FAM120C: variants seen among roughly 807,000 people sequenced by gnomAD.
FAM120C encodes family with sequence similarity 120 member C.
In FAM120C, 14 loss-of-function variants were observed where a neutral mutation model predicts 71.2. The observed-to-expected ratio is 0.20, with a 90% CI of 0.13 to 0.31. The LOEUF (loss-of-function observed/expected upper bound fraction) is 0.31. FAM120C is among the 10% of genes least tolerant of loss of function. The pLI, the probability that FAM120C is intolerant of heterozygous loss-of-function variation, is 1.00. For synonymous variants in FAM120C, 354 were observed against 353.2 expected, an observed-to-expected ratio of 1.00 and a Z score of -0.03; for missense variants, 500 against 879.0, an observed-to-expected ratio of 0.57 and a Z score of 5.45.
chrX:54,096,295 C>A (rs1450806147), intron 10 of FAM120C, among the ~76,000 whole-genome samples: 2 of 110,819 alleles, frequency 1.8e-5, no homozygotes, highest in Admixed American at 1.9e-4. Flanking sequence ...CCTGTAGTCC[C>A]AGCTAGTCAA....
chrX:54,105,858 A>G (rs1449797119), intron 10 of FAM120C, among the ~76,000 whole-genome samples: 3 of 111,591 alleles, frequency 2.7e-5, no homozygotes, highest in East Asian at 2.8e-4. Context: ...CAAGGGATGT[A>G]AAGGACCTCT....
Position 54,068,819 on chromosome X carries a change from T to C in FAM120C, c.*4214A>G, listed in dbSNP as rs1335305209. On this transcript the variant is annotated 3_prime_UTR_variant, in exon 16 of 16. Transcript: ENST00000375180. ...TAGAATAGAATAGAATAGAATAGAA[T>C]AGAATAGAATAGAATAGAATAGAAT... The C allele has an allele frequency of 5.9e-4, 64 of 108,685 alleles. No homozygotes were observed. Among genetic ancestry groups the C allele is most frequent in the South Asian group, 1.2e-3 (3 of 2,529 alleles). 9.0% of individuals were successfully genotyped at this position (108,685 alleles called of 1,213,427 possible).
chrX:54,083,433 CCACACACACACACA>C (rs781964795), intron 13 of FAM120C, among the ~76,000 whole-genome samples: 87 of 78,934 alleles, frequency 1.1e-3, no homozygotes, highest in African/African-American at 3.6e-3. Context: ...GACCCCATCT[CCACACACACACACA>C]CACACACACA....
chrX:54,068,937 T>C lies in FAM120C; in HGVS notation c.*4096A>G, dbSNP rs1336816834. 9.0e-6 allele frequency: 1 copy of C among 111,710 alleles called. No homozygotes were observed. Among genetic ancestry groups the C allele is most frequent in the Non-Finnish European group, 1.9e-5 (1 of 53,166 alleles). The allele number at this position is 111,710 out of a possible 1,213,427, so 9.2% of individuals were successfully genotyped here. A position where few individuals can be genotyped will look rare whatever the true frequency, so the allele number is the denominator to read the frequency against. On this transcript the variant is annotated 3_prime_UTR_variant, in exon 16 of 16. Transcript: ENST00000375180. ...TGAGAGATTAATAAAATCTGAAATA[T>C]TTATTTTGCTTCATTTACATGAAAA...
intron 1 of FAM120C, among the ~76,000 whole-genome samples, chrX:54,182,085 C>A (rs149595825): frequency 0.079 from 8,865 of 111,716 alleles, 387 homozygotes; most frequent in Non-Finnish European, 0.13. Context: ...TGATTTACTG[C>A]GAGGTTGGAA....
intron 13 of FAM120C, among the ~76,000 whole-genome samples, chrX:54,084,784 G>A (rs1557121740): frequency 9.0e-6 from 1 of 111,136 alleles, no homozygotes; most frequent in East Asian, 2.8e-4. Flanking sequence ...CAGTATCTGA[G>A]CAACCTAGGC....
intron 9 of FAM120C, among the ~76,000 whole-genome samples, chrX:54,118,640 AT>A (rs1313561753): frequency 1.0e-5 from 1 of 95,431 alleles, no homozygotes; most frequent in Non-Finnish European, 2.1e-5. Context: ...CACCATTGCC[AT>A]TTTGGTAAGT....
At chrX:54,075,659 C>T (rs782550238) in intron 15 of FAM120C, among the ~76,000 whole-genome samples, 2 of 108,572 alleles carry the variant, frequency 1.8e-5, no homozygotes, top group African/African-American at 6.7e-5. Context: ...AGTAGCCAGG[C>T]GTGGTAGCGG....
chrX:54,093,827 T>TA (rs2066835596), intron 10 of FAM120C, among the ~76,000 whole-genome samples: 1 of 111,942 alleles, frequency 8.9e-6, no homozygotes, highest in Non-Finnish European at 1.9e-5. Flanking sequence ...ATAACAGCAT[T>TA]ACTTATTCCC....
intron 3 of FAM120C, 37 bp downstream of exon 3, chrX:54,157,652 C>T (rs782203459): frequency 2.0e-6 from 2 of 975,924 alleles, no homozygotes; most frequent in East Asian, 6.2e-5. Context: ...AACCTCATAT[C>T]CCCTAATCTG....
chrX:54,078,887 G>A (rs781965635), intron 15 of FAM120C, among the ~76,000 whole-genome samples: 7 of 109,837 alleles, frequency 6.4e-5, no homozygotes, highest in African/African-American at 2.0e-4. Context: ...TTTAAAGGCC[G>A]GGCGCAGTGG....
intron 12 of FAM120C, among the ~76,000 whole-genome samples, chrX:54,087,508 C>T (rs1353438241): frequency 1.8e-5 from 2 of 110,643 alleles, no homozygotes; most frequent in African/African-American, 6.6e-5. Flanking sequence ...AAGAAATACT[C>T]AGAGTAAGAA....
intron 9 of FAM120C, among the ~76,000 whole-genome samples, chrX:54,129,139 G>A (rs782222976): frequency 1.9e-5 from 2 of 106,275 alleles, no homozygotes; most frequent in Admixed American, 9.8e-5. Flanking sequence ...GCGGCCGGCC[G>A]GGGCGGCTGG....
intron 3 of FAM120C, among the ~76,000 whole-genome samples, chrX:54,153,031 A>C (rs932745681): frequency 6.2e-5 from 7 of 112,034 alleles, no homozygotes; most frequent in African/African-American, 2.3e-4. Flanking sequence ...CCCCGTCTCT[A>C]CTAAAAATAC....
intron 1 of FAM120C, among the ~76,000 whole-genome samples, chrX:54,162,589 G>C (rs1557134565): frequency 8.9e-6 from 1 of 112,019 alleles, no homozygotes; most frequent in Non-Finnish European, 1.9e-5. Context: ...GTAAAGAAAG[G>C]CCTAGTGAGA....
intron 10 of FAM120C, among the ~76,000 whole-genome samples, chrX:54,109,564 A>C (rs1557125333): frequency 9.2e-6 from 1 of 108,533 alleles, no homozygotes. Context: ...GCAGTGAGCC[A>C]TGATCACACC....
At chrX:54,107,704 A>G (rs1394722838) in intron 10 of FAM120C, among the ~76,000 whole-genome samples, 3 of 101,694 alleles carry the variant, frequency 3.0e-5, no homozygotes, top group African/African-American at 7.3e-5. Flanking sequence ...TATTTTTAGT[A>G]GAGACAGGGT....
At chrX:54,107,463 G>A (rs782818347) in intron 10 of FAM120C, among the ~76,000 whole-genome samples, 7 of 109,850 alleles carry the variant, frequency 6.4e-5, no homozygotes, top group Admixed American at 2.0e-4. Context: ...ACAATGTAGG[G>A]CTGTGGCCCA....
chrX:54,170,055 C>G (rs1168368354), intron 1 of FAM120C, among the ~76,000 whole-genome samples: 1 of 112,018 alleles, frequency 8.9e-6, no homozygotes, highest in East Asian at 2.8e-4. Context: ...GGCAGTCAAG[C>G]TAGAGGTAGT....
Sources: gnomAD v4.1 joint callset for allele counts (sites outside exome capture counted in the v4.1 genomes callset) on GRCh38, gnomAD v4.1.1 for gene constraint, MANE v1.5 for transcripts, NCBI Gene and HGNC (gene_info 2026-07-23, HGNC 2026-07-21) for gene names.